Variants in TNNI3K observed in about 807,000 individuals in gnomAD.
TNNI3K encodes the protein serine/threonine-protein kinase TNNI3K.
TNNI3K carries 140 observed loss-of-function variants against 114.5 expected under a neutral mutation model. That is an observed-to-expected ratio of 1.22 (90% CI 1.07 to 1.41). TNNI3K has a LOEUF of 1.41. Ranked by LOEUF, TNNI3K falls within the 40% of genes most tolerant of loss-of-function variation. The pLI is 0.00. For synonymous variants in TNNI3K, 347 were observed against 347.5 expected, an observed-to-expected ratio of 1.00 and a Z score of 0.02; for missense variants, 1,125 against 1,007.6, an observed-to-expected ratio of 1.12 and a Z score of -1.58.
At chr1:74,473,338 A>T (rs1219181291) in intron 21 of TNNI3K, among the ~76,000 whole-genome samples, 1 of 152,120 alleles carries the variant, frequency 6.6e-6, no homozygotes, top group African/African-American at 2.4e-5. Context: ...TCTATCTGAC[A>T]TTAAACGACC....
intron 5 of TNNI3K, among the ~76,000 whole-genome samples, chr1:74,303,462 G>A (rs981490401): frequency 2.0e-5 from 3 of 152,130 alleles, no homozygotes; most frequent in Non-Finnish European, 2.9e-5. Context: ...ACTGTGCTCA[G>A]CCGGTATACT....
intron 17 of TNNI3K, among the ~76,000 whole-genome samples, chr1:74,383,835 TC>T: frequency 6.6e-6 from 1 of 152,224 alleles, no homozygotes; most frequent in Middle Eastern, 3.4e-3. Flanking sequence ...AATTAAATCT[TC>T]GTAGCTCTAT....
At position 74,463,380 on chromosome 1, in the gene TNNI3K, T is replaced by G. The variant is rs1667531144; in HGVS notation, c.2012-61T>G. 26 of 1,571,974 alleles carry G rather than the reference T, an allele frequency of 1.7e-5. No homozygotes were observed. In the South Asian group the frequency reaches 2.2e-4, roughly 13 times the overall value. On this transcript the variant is annotated intron_variant, in intron 20 of 24. Coordinates refer to ENST00000326637, the MANE Select transcript of TNNI3K (RefSeq NM_015978.3). Reference sequence around the variant, plus strand: ...AATGCCTTTTTGTGTGTGTGTGTCTTCATTTGTTGCTTGAAATAAACATGT... The same window carrying G: ...AATGCCTTTTTGTGTGTGTGTGTCTGCATTTGTTGCTTGAAATAAACATGT...
chr1:74,445,618 T>C (rs1419455083), intron 20 of TNNI3K, among the ~76,000 whole-genome samples: 2 of 142,936 alleles, frequency 1.4e-5, no homozygotes, highest in Non-Finnish European at 3.0e-5. Flanking sequence ...TTTTCTTTTT[T>C]TCTTTTTTTT....
chr1:74,383,491 T>G, intron 17 of TNNI3K, among the ~76,000 whole-genome samples: 1 of 151,990 alleles, frequency 6.6e-6, no homozygotes, highest in East Asian at 1.9e-4. Flanking sequence ...TCCTTCTAAC[T>G]CCTGTCTATC....
At chr1:74,458,761 T>C (rs2100713006) in intron 20 of TNNI3K, among the ~76,000 whole-genome samples, 1 of 152,330 alleles carries the variant, frequency 6.6e-6, no homozygotes, top group Non-Finnish European at 1.5e-5. Context: ...TTTTTAATTG[T>C]TTACTGTTAT....
intron 5 of TNNI3K, among the ~76,000 whole-genome samples, chr1:74,310,406 G>T (rs1044587945): frequency 6.6e-6 from 1 of 152,116 alleles, no homozygotes; most frequent in Non-Finnish European, 1.5e-5. Context: ...CAAGCAATCT[G>T]CAGATTCAGT....
chr1:74,391,954 A>ATTTTTTTTTTTTTT (rs1557539031), intron 17 of TNNI3K, among the ~76,000 whole-genome samples: 25 of 93,256 alleles, frequency 2.7e-4, no homozygotes, highest in African/African-American at 1.4e-3. Flanking sequence ...GGTACAGCTT[A>ATTTTTTTTTTTTTT]TTATTTTTTT....
chr1:74,300,686 A>G (rs1570438039), intron 5 of TNNI3K, among the ~76,000 whole-genome samples: 1 of 152,206 alleles, frequency 6.6e-6, no homozygotes, highest in East Asian at 1.9e-4. Context: ...TGTAGCTTGT[A>G]CATCTATTTC....
chr1:74,528,173 C>T (rs769121471), intron 23 of TNNI3K, among the ~76,000 whole-genome samples: 3 of 152,132 alleles, frequency 2.0e-5, no homozygotes, highest in Non-Finnish European at 4.4e-5. Context: ...TGGTTCCATG[C>T]AGGCTAAGAA....
intron 11 of TNNI3K, among the ~76,000 whole-genome samples, chr1:74,357,291 G>A (rs533570947): frequency 6.6e-5 from 10 of 152,270 alleles, no homozygotes; most frequent in Admixed American, 2.6e-4. Context: ...CAAGAAGGGA[G>A]CTTCACAATC....
chr1:74,322,880 T>G (rs531641749), intron 5 of TNNI3K, among the ~76,000 whole-genome samples: 1 of 152,208 alleles, frequency 6.6e-6, no homozygotes, highest in Non-Finnish European at 1.5e-5. Flanking sequence ...TGTTACTCAC[T>G]GATTACCTGT....
At chr1:74,543,168 G>A (rs1038936054) in intron 24 of TNNI3K, among the ~76,000 whole-genome samples, 5 of 130,994 alleles carry the variant, frequency 3.8e-5, no homozygotes, top group South Asian at 5.1e-4. Flanking sequence ...TCTGCTTCTC[G>A]GGTTCAAGTG....
chr1:74,479,478 A>G (rs932945524), intron 21 of TNNI3K, among the ~76,000 whole-genome samples: 10 of 152,228 alleles, frequency 6.6e-5, no homozygotes, highest in African/African-American at 2.4e-4. Flanking sequence ...GAAGAATTCA[A>G]AACCACCCAA....
chr1:74,436,411 G>A, intron 18 of TNNI3K, 63 bp from the exon 19 acceptor site: 2 of 1,504,586 alleles, frequency 1.3e-6, no homozygotes, highest in East Asian at 2.4e-5. Context: ...AATTTTAACT[G>A]TGATCTTTTA....
At chr1:74,479,713 C>T (rs4372202) in intron 21 of TNNI3K, among the ~76,000 whole-genome samples, 14,796 of 152,238 alleles carry the variant, frequency 0.097, 1,873 homozygotes, top group African/African-American at 0.3. Context: ...TGGAGAAGCA[C>T]ACAAATGTAA....
At chr1:74,338,563 G>A (rs1054455857) in intron 7 of TNNI3K, among the ~76,000 whole-genome samples, 11 of 151,260 alleles carry the variant, frequency 7.3e-5, no homozygotes, top group African/African-American at 1.9e-4. Flanking sequence ...CCTTTGCAGC[G>A]GGAACAATAC....
At chr1:74,531,704 G>C (rs145548334) in intron 23 of TNNI3K, among the ~76,000 whole-genome samples, 177 of 152,168 alleles carry the variant, frequency 1.2e-3, no homozygotes, top group African/African-American at 4.0e-3. Context: ...CCTTAGATTG[G>C]GGCAAATAAC....
rs189944531 is a variant in TNNI3K, at chr1:74,376,071, T to C, written c.1772+5679T>C. On this transcript the variant is annotated intron_variant, in intron 17 of 24. Coordinates refer to ENST00000326637, the MANE Select transcript of TNNI3K (RefSeq NM_015978.3). ...AATTTTAAAATAGCCAACTTTCCAATGACAAATGACAGGTAATTTAAAAAG... is the reference window on the plus strand; with the variant it reads ...AATTTTAAAATAGCCAACTTTCCAACGACAAATGACAGGTAATTTAAAAAG... Among the ~76,000 whole-genome samples the C allele has an allele frequency of 3.5e-4, 53 of 151,988 alleles. 1 individual carries two copies. The highest frequency in any genetic ancestry group is 1.2e-3 in the African/African-American group (51 of 41,486).
Sources: gnomAD v4.1 joint callset for allele counts (sites outside exome capture counted in the v4.1 genomes callset) on GRCh38, gnomAD v4.1.1 for gene constraint, MANE v1.5 for transcripts, NCBI Gene and HGNC (gene_info 2026-07-23, HGNC 2026-07-21) for gene names.